The following ARHGAP32 variants were observed in gnomAD, a reference collection of about 807,000 sequenced individuals.
ARHGAP32 encodes Rho GTPase activating protein 32, also known as rho GTPase-activating protein 32.
A neutral mutation model predicts 186.5 loss-of-function variants in ARHGAP32; 51 were observed. The ratio of observed to expected loss-of-function variants is 0.27; its 90% CI spans 0.22 to 0.35. The LOEUF (loss-of-function observed/expected upper bound fraction) is 0.35, where lower values mean the gene tolerates loss of function less well. Among genes scored for constraint, ARHGAP32 ranks in the 10% least tolerant of loss-of-function variants. ARHGAP32 has a pLI of 1.00. For missense variants in ARHGAP32, 2,186 were observed against 2,623.5 expected (o/e 0.83, Z 3.64); for synonymous variants, 950 against 964.3 (o/e 0.99, Z 0.27).
At chr11:129,238,350 T>C (rs1215123624) in intron 1 of ARHGAP32, among the ~76,000 whole-genome samples, 1 of 152,066 alleles carries the variant, frequency 6.6e-6, no homozygotes, top group African/African-American at 2.4e-5. Context: ...TCTTCTCCCC[T>C]CTCTTCACAC....
At chr11:129,064,095 A>G in intron 8 of ARHGAP32, 71 bp from the exon 9 acceptor site, 2 of 1,403,302 alleles carry the variant, frequency 1.4e-6, no homozygotes, top group Non-Finnish European at 1.9e-6. Context: ...TATCTATAAA[A>G]GAAATTCATT....
At chr11:128,996,243 G>GT (rs1483064747) in intron 12 of ARHGAP32, among the ~76,000 whole-genome samples, 1 of 152,118 alleles carries the variant, frequency 6.6e-6, no homozygotes, top group East Asian at 1.9e-4. Flanking sequence ...TTATAGCCCT[G>GT]TGACAGTTTA....
chr11:129,066,635 C>G (rs1018309612), intron 7 of ARHGAP32, 96 bp downstream of exon 7: 1 of 1,128,704 alleles, frequency 8.9e-7, no homozygotes, highest in African/African-American at 1.5e-5. Flanking sequence ...AATCACCCTG[C>G]GTGTTCAGTA....
chr11:129,177,003 T>C (rs1013643319), intron 1 of ARHGAP32, among the ~76,000 whole-genome samples: 1 of 149,252 alleles, frequency 6.7e-6, no homozygotes, highest in African/African-American at 2.5e-5. Flanking sequence ...CAGGAGCTGG[T>C]TTTTTGAAAG....
intron 6 of ARHGAP32, among the ~76,000 whole-genome samples, chr11:129,083,125 G>A (rs2135228493): frequency 6.6e-6 from 1 of 152,068 alleles, no homozygotes; most frequent in South Asian, 2.1e-4. Flanking sequence ...GGTAAAAAGG[G>A]AAAACTGGTG....
At chr11:129,273,241 T>C (rs1199489866) in intron 1 of ARHGAP32, among the ~76,000 whole-genome samples, 1 of 152,202 alleles carries the variant, frequency 6.6e-6, no homozygotes, top group Non-Finnish European at 1.5e-5. Flanking sequence ...TGACACCTTC[T>C]TACCTATCTA....
At chr11:129,018,545 C>G (rs1335673089) in intron 11 of ARHGAP32, among the ~76,000 whole-genome samples, 1 of 152,070 alleles carries the variant, frequency 6.6e-6, no homozygotes, top group Admixed American at 6.5e-5. Flanking sequence ...GTTATATGAC[C>G]CAAAAGGATC....
intron 1 of ARHGAP32, among the ~76,000 whole-genome samples, chr11:129,190,288 T>C (rs1324915367): frequency 6.6e-6 from 1 of 152,226 alleles, no homozygotes; most frequent in African/African-American, 2.4e-5. Flanking sequence ...ACCACTCTGC[T>C]GCCACATTTC....
Position 128,970,062 on chromosome 11 carries a change from A to C in ARHGAP32, c.5151T>G (p.Ser1717Arg), listed in dbSNP as rs1338841291. The change falls in exon 23 of 23, where the codon AGT becomes AGG. Residue 1717 changes from serine (S) to arginine (R), a missense_variant. Around this residue, in one of 5 missense-constraint regions of ARHGAP32, gnomAD observed 1,502 missense variants for 1,570.0 expected, o/e 0.96. Coordinates refer to ENST00000682385, the MANE Select transcript of ARHGAP32 (RefSeq NM_001378024.1). This position sits in a 1 kb window ranked among gnomAD's most constrained non-coding sequence, Gnocchi z 5.8. ...NPRLQGKSLY[S>R]YAGLAPRPRA... ...GGGGACGTGGAGCCAAACCAGCATA[A>C]CTGTACAAGCTCTTTCCTTGCAGCC... The C allele has an allele frequency of 5.0e-6, 8 of 1,614,176 alleles. No individual in the cohort carries two copies. The highest frequency in any genetic ancestry group is 6.8e-6 in the Non-Finnish European group (8 of 1,180,048).
intron 1 of ARHGAP32, among the ~76,000 whole-genome samples, chr11:129,184,483 C>T (rs1944118726): frequency 6.6e-6 from 1 of 152,008 alleles, no homozygotes; most frequent in Non-Finnish European, 1.5e-5. Context: ...AATTTATCTA[C>T]TCAAATTGAA....
At chr11:129,174,088 C>T (rs754375557) in intron 1 of ARHGAP32, among the ~76,000 whole-genome samples, 4 of 152,298 alleles carry the variant, frequency 2.6e-5, no homozygotes, top group African/African-American at 2.4e-5. Context: ...GTGCGCGCAC[C>T]GTGCACAAGC....
chr11:129,243,551 C>A (rs1945048642), intron 1 of ARHGAP32, among the ~76,000 whole-genome samples: 1 of 152,190 alleles, frequency 6.6e-6, no homozygotes, highest in Non-Finnish European at 1.5e-5. Flanking sequence ...GATATTCCAT[C>A]TTCCTAAAAC....
rs556418845 is a variant in ARHGAP32 at position 129,063,839 on chromosome 11, G to A, written c.885+63C>T. ...AAAATTAAGGAAATGGTTAAGAACA[G>A]TCAAAGATGAGGCCAGAAAGTTAGC... On this transcript the variant is annotated intron_variant, in intron 9 of 22. Transcript: ENST00000682385. 6.5e-6 allele frequency: 10 copies of A among 1,529,392 alleles called. No individual in the cohort carries two copies. In the South Asian group the frequency reaches 7.9e-5, roughly 12 times the overall value. 94.7% of individuals were successfully genotyped at this position (1,529,392 alleles called of 1,614,324 possible). A position where few individuals can be genotyped will look rare whatever the true frequency, so the allele number is the denominator to read the frequency against.
intron 2 of ARHGAP32, among the ~76,000 whole-genome samples, chr11:129,149,592 C>T (rs774935749): frequency 2.0e-5 from 3 of 152,190 alleles, no homozygotes; most frequent in Non-Finnish European, 2.9e-5. Flanking sequence ...AGGGGGAGAG[C>T]ACCACATCAA....
intron 2 of ARHGAP32, among the ~76,000 whole-genome samples, chr11:129,150,178 T>C (rs1005093191): frequency 2.7e-5 from 4 of 148,944 alleles, no homozygotes; most frequent in African/African-American, 9.9e-5. Context: ...TTATGTTAAA[T>C]GGCCAAACCT....
At chr11:129,074,714 G>C (rs999561285) in intron 6 of ARHGAP32, among the ~76,000 whole-genome samples, 1 of 151,982 alleles carries the variant, frequency 6.6e-6, no homozygotes, top group African/African-American at 2.4e-5. Flanking sequence ...GGATGGTCTC[G>C]ATCTCCTGAC....
intron 10 of ARHGAP32, among the ~76,000 whole-genome samples, chr11:129,059,903 T>G (rs551925360): frequency 3.3e-5 from 5 of 152,184 alleles, no homozygotes; most frequent in Non-Finnish European, 7.4e-5. Flanking sequence ...CACTCCAACA[T>G]GATCCATGGA....
chr11:129,234,555 A>G (rs912694235), intron 1 of ARHGAP32, among the ~76,000 whole-genome samples: 1 of 152,282 alleles, frequency 6.6e-6, no homozygotes, highest in Non-Finnish European at 1.5e-5. Flanking sequence ...AAATATATCA[A>G]TATAATCTAT....
At chr11:129,008,045 CAA>C (rs1311210653) in intron 11 of ARHGAP32, among the ~76,000 whole-genome samples, 1 of 152,080 alleles carries the variant, frequency 6.6e-6, no homozygotes, top group Admixed American at 6.6e-5. Context: ...AGTTCTCCCT[CAA>C]GAGAGAGCAC....
Sources: allele counts gnomAD v4.1 joint callset (sites outside exome capture counted in the v4.1 genomes callset), GRCh38; gene constraint gnomAD v4.1.1; regional missense constraint gnomAD v4.1.1; non-coding constraint Gnocchi (gnomAD v3.1); transcripts MANE v1.5; gene names NCBI Gene and HGNC (gene_info 2026-07-23, HGNC 2026-07-21).